Variants in SLC16A5 observed in about 807,000 individuals in gnomAD.
SLC16A5 encodes the protein solute carrier family 16 member 5.
In SLC16A5, 29 loss-of-function variants were observed where a neutral mutation model predicts 33.2. The ratio of observed to expected loss-of-function variants is 0.87; its 90% CI spans 0.65 to 1.19. SLC16A5 has a LOEUF of 1.19. Among genes scored for constraint, SLC16A5 ranks in the 50% most tolerant of loss-of-function variants. The pLI is 0.00. For synonymous variants in SLC16A5, 248 were observed against 284.1 expected, an observed-to-expected ratio of 0.87 and a Z score of 1.28; for missense variants, 606 against 678.2, an observed-to-expected ratio of 0.89 and a Z score of 1.18.
intron 6 of SLC16A5, chr17:75,105,401 G>C: frequency 1.0e-6 from 1 of 985,440 alleles, no homozygotes; most frequent in Non-Finnish European, 1.2e-6. Flanking sequence ...AAATGGGGCT[G>C]CTTTTGCAAG....
chr17:75,101,039 G>C (rs1407760917), intron 5 of SLC16A5, among the ~76,000 whole-genome samples: 2 of 151,972 alleles, frequency 1.3e-5, no homozygotes, highest in East Asian at 3.9e-4. Context: ...ATGAGGTCAG[G>C]AGATCGAGAC....
chr17:75,098,092 T>G lies in SLC16A5; in HGVS notation c.254T>G (p.Leu85Arg). 1.2e-6 allele frequency: 2 copies of G among 1,609,728 alleles called. No homozygotes were observed. Among genetic ancestry groups the G allele is most frequent in the Non-Finnish European group, 1.7e-6 (2 of 1,178,390 alleles). Residue 85 changes from leucine to arginine, a missense_variant, in exon 4 of 7, where the codon CTG becomes CGG. Physicochemically the swap from Leu to Arg is moderately radical, Grantham distance 102. Coordinates refer to ENST00000329783, the MANE Select transcript of SLC16A5 (RefSeq NM_004695.4). ...GRFGCRVTVM[L>R]GGVLASLGMV... is the part of the protein sequence containing the mutation. ...TTCGGCTGCCGAGTGACCGTGATGC[T>G]GGGGGGCGTGCTGGCCAGCCTGGGC...
rs1022569867 is a variant in SLC16A5, at chr17:75,093,761, A to G, written c.125A>G (p.Gln42Arg). The stretch of plus-strand genomic sequence containing the variant: ...ATCGGCATCTTCTTCACTGAATTGC[A>G]ATGGGAGTTCCAGGCCAGCAACAGC... ...TCIGIFFTEL[Q>R]WEFQASNSET... Residue 42 changes from glutamine to arginine, a missense_variant, in exon 3 of 7, where the codon CAA (glutamine) becomes CGA (arginine). Physicochemically the swap from Gln to Arg is conservative, Grantham distance 43. Transcript: ENST00000329783. 2 of 1,614,134 alleles carry G rather than the reference A, an allele frequency of 1.2e-6. No individual in the cohort carries two copies. The highest frequency in any genetic ancestry group is 1.7e-6 in the Non-Finnish European group (2 of 1,179,984).
chr17:75,093,200 C>T lies in SLC16A5; in HGVS notation c.-48-389C>T, dbSNP rs1271018393. 7 of 579,478 alleles carry T rather than the reference C, an allele frequency of 1.2e-5. No homozygotes were observed. In the East Asian group the frequency reaches 1.7e-4, roughly 14 times the overall value. 35.9% of individuals were successfully genotyped at this position (579,478 alleles called of 1,614,324 possible). Reference sequence around the variant, plus strand: ...GCATTTGGGGGGCGTTGGGACTACACTGACCCCAGAGGTCTGCTGCATTCT... The same window carrying T: ...GCATTTGGGGGGCGTTGGGACTACATTGACCCCAGAGGTCTGCTGCATTCT... On this transcript the variant is annotated intron_variant, in intron 2 of 6. Transcript: ENST00000329783.
At chr17:75,097,063 T>C (rs1447694854) in intron 3 of SLC16A5, among the ~76,000 whole-genome samples, 3 of 143,530 alleles carry the variant, frequency 2.1e-5, no homozygotes, top group South Asian at 2.2e-4. Flanking sequence ...TGACCTTAAG[T>C]GATCCACCCA....
At chr17:75,099,847 G>A (rs1047567372) in intron 4 of SLC16A5, 160 bp from the exon 5 acceptor site, 8 of 696,014 alleles carry the variant, frequency 1.1e-5, no homozygotes, top group South Asian at 5.9e-5. Flanking sequence ...GGGAGGTGGC[G>A]AGGCCAGCTG....
In SLC16A5 at chr17:75,105,961, T is replaced by C. The variant is rs2145089604; in HGVS notation, c.1446T>C (p.His482=). 1 of 1,612,164 alleles carries C rather than the reference T, an allele frequency of 6.2e-7. No individual in the cohort carries two copies. ...GTCCTGCCTCCTCCAGGACCAGCCA[T>C]GAGTGGCTCTTATGGCCAAAGGCGG... ...WGCPASSRTS[H]EWLLWPKAVL... The change falls in exon 7 of 7, where the codon CAT becomes CAC. Residue 482 remains histidine, a synonymous_variant. Coordinates refer to ENST00000329783, the MANE Select transcript of SLC16A5 (RefSeq NM_004695.4).
Position 75,100,287 on chromosome 17 carries a change from C to T in SLC16A5, c.624C>T (p.Pro208=), listed in dbSNP as rs531352467. 2.4e-5 allele frequency: 38 copies of T among 1,614,206 alleles called. No homozygotes were observed. The highest frequency in any genetic ancestry group is 1.6e-4 in the Middle Eastern group (1 of 6,062). ...PETKECPPPP[P]ETPALGCLAA... is the part of the protein sequence containing the mutation. ...CCAAAGAATGTCCCCCGCCACCTCCCGAGACACCTGCACTTGGCTGCCTGG... is the reference window on the plus strand; with the variant it reads ...CCAAAGAATGTCCCCCGCCACCTCCTGAGACACCTGCACTTGGCTGCCTGG... Residue 208 remains proline (P), a synonymous_variant, in exon 5 of 7, where the codon CCC becomes CCT. Coordinates refer to ENST00000329783, the MANE Select transcript of SLC16A5 (RefSeq NM_004695.4).
At position 75,088,308 on chromosome 17, in the gene SLC16A5, ACTCGGAGGAG is replaced by A. The variant is rs147104984; in HGVS notation, c.-203+268_-203+277del. ...ACAGCCCGGGATCCCAGCAGCCCCA[ACTCGGAGGAG>A]CTCTGCCCCGGGGAGGGAGGGACAG... On this transcript the variant is annotated intron_variant, in intron 1 of 6. Coordinates refer to ENST00000329783, the MANE Select transcript of SLC16A5 (RefSeq NM_004695.4). Among the ~76,000 whole-genome samples, 235 of 152,044 alleles carry A rather than the reference ACTCGGAGGAG, an allele frequency of 1.5e-3. 1 individual carries two copies. The highest frequency in any genetic ancestry group is 5.3e-3 in the African/African-American group (220 of 41,476).
intron 6 of SLC16A5, chr17:75,104,735 C>A: frequency 1.0e-6 from 1 of 984,508 alleles, no homozygotes; most frequent in Non-Finnish European, 1.2e-6. Flanking sequence ...CAGGCGTGAG[C>A]CACCGTGCCC....
At chr17:75,109,921 G>A (rs1391777372), downstream of SLC16A5, 3 of 227,458 alleles carry the variant, frequency 1.3e-5, no homozygotes, top group Non-Finnish European at 2.6e-5. The surrounding 1 kb of genome is among the most constrained non-coding windows in gnomAD (Gnocchi z 5.0). Context: ...TTCGGCGACG[G>A]CCCCGCCCCT....
At chr17:75,087,675 C>T (rs886855060), upstream of SLC16A5, 1 of 152,230 alleles carries the variant, frequency 6.6e-6, no homozygotes, top group Non-Finnish European at 1.5e-5. Context: ...CTCTTTATGG[C>T]ATGTTATCTC....
intron 6 of SLC16A5, chr17:75,104,413 C>T: frequency 3.9e-6 from 4 of 1,015,300 alleles, no homozygotes; most frequent in Non-Finnish European, 5.0e-6. Flanking sequence ...CCCTGAGAAA[C>T]TCTTTTTTTT....
intron 2 of SLC16A5, chr17:75,093,262 T>A: frequency 1.4e-6 from 1 of 700,910 alleles, no homozygotes; most frequent in South Asian, 1.8e-5. Flanking sequence ...GGTCCCCCTG[T>A]TGACTTCTAA....
intron 3 of SLC16A5, among the ~76,000 whole-genome samples, chr17:75,095,339 C>T (rs534112742): frequency 1.8e-4 from 28 of 152,268 alleles, no homozygotes. Flanking sequence ...GGCGGGGAAC[C>T]TACTCCCCAG....
intron 2 of SLC16A5, among the ~76,000 whole-genome samples, chr17:75,092,854 T>TGA (rs1555645065): frequency 1.3e-5 from 2 of 150,916 alleles, no homozygotes; most frequent in Non-Finnish European, 3.0e-5. Context: ...TGTGTGTGTG[T>TGA]GTGTGTTTAT....
chr17:75,093,310 TG>T, intron 2 of SLC16A5: 2 of 1,094,300 alleles, frequency 1.8e-6, no homozygotes, highest in Non-Finnish European at 2.6e-6. Flanking sequence ...CCCCATTGCC[TG>T]GTGCCACCTG....
chr17:75,092,141 A>G (rs1357867027), intron 2 of SLC16A5, among the ~76,000 whole-genome samples: 2 of 151,736 alleles, frequency 1.3e-5, no homozygotes, highest in Non-Finnish European at 2.9e-5. Context: ...ATGTGTGTAC[A>G]TATGCGTGTG....
At chr17:75,101,846 G>C (rs530384828) in intron 5 of SLC16A5, among the ~76,000 whole-genome samples, 1 of 151,988 alleles carries the variant, frequency 6.6e-6, no homozygotes, top group Non-Finnish European at 1.5e-5. Flanking sequence ...TGTTGCTCAG[G>C]CTGCTCTCAA....
Sources: allele counts gnomAD v4.1 joint callset (sites outside exome capture counted in the v4.1 genomes callset), GRCh38; gene constraint gnomAD v4.1.1; non-coding constraint Gnocchi (gnomAD v3.1); transcripts MANE v1.5; gene names NCBI Gene and HGNC (gene_info 2026-07-23, HGNC 2026-07-21).